NIBAN2: variants seen among roughly 807,000 people sequenced by gnomAD.
NIBAN2 encodes niban apoptosis regulator 2.
In NIBAN2, 36 loss-of-function variants were observed where a neutral mutation model predicts 81.8. That is an observed-to-expected ratio of 0.44 (90% confidence interval 0.34 to 0.58). NIBAN2 has a LOEUF of 0.58. NIBAN2 is among the 20% of genes least tolerant of loss of function. The pLI, the probability that NIBAN2 is intolerant of heterozygous loss-of-function variation, is 0.02. For missense variants in NIBAN2, 897 were observed against 1,014.1 expected (o/e 0.88, Z 1.57); for synonymous variants, 445 against 441.6 (o/e 1.01, Z -0.10).
rs1837270420 is a variant in NIBAN2, at chr9:127,536,020, C to T, written c.56-4242G>A. Among the ~76,000 whole-genome samples, 1 of 152,230 alleles carries T rather than the reference C, an allele frequency of 6.6e-6. No homozygotes were observed. The highest frequency in any genetic ancestry group is 2.4e-5 in the African/African-American group (1 of 41,552). ...CCAGGCAGCACCGGGAAGCCAGCTC[C>T]GCTCAGAAGAAGGGTGGCGACCACG... On this transcript the variant is annotated intron_variant, in intron 1 of 13. Transcript: ENST00000373312. This position sits in a 1 kb window ranked among gnomAD's most constrained non-coding sequence, Gnocchi z 4.0.
chr9:127,566,867 G>A (rs1837866936), intron 1 of NIBAN2, among the ~76,000 whole-genome samples: 1 of 152,056 alleles, frequency 6.6e-6, no homozygotes, highest in African/African-American at 2.4e-5. Flanking sequence ...GGGAGACTGG[G>A]AGGCTTCCCC....
chr9:127,569,337 A>G (rs567098757), upstream of NIBAN2, among the ~76,000 whole-genome samples: 2 of 151,110 alleles, frequency 1.3e-5, no homozygotes, highest in East Asian at 3.9e-4. Flanking sequence ...CGCCCTGGAG[A>G]AGGAGACAAA....
At chr9:127,574,073 C>A (rs1463291200), upstream of NIBAN2, among the ~76,000 whole-genome samples, 1 of 152,196 alleles carries the variant, frequency 6.6e-6, no homozygotes, top group African/African-American at 2.4e-5. Context: ...CTGAAATCTG[C>A]AAGGCAGAGG....
Position 127,510,197 on chromosome 9 carries a change from C to T in NIBAN2, c.1110G>A (p.Thr370=), listed in dbSNP as rs138815572. ...CGTTGATGACGTTCAGGTTCATGTC[C>T]GTGACCTCCTTGAAGAAGACATCTC... ...EVRDVFFKEV[T]DMNLNVINEG... The change falls in exon 9 of 14, where the codon ACG becomes ACA. Residue 370 remains threonine, a synonymous_variant. Coordinates refer to ENST00000373312, the MANE Select transcript of NIBAN2 (RefSeq NM_022833.4). The T allele has an allele frequency of 3.5e-5, 56 of 1,614,052 alleles. 1 individual carries two copies. The African/African-American group carries it at 5.3e-4, about 15-fold the overall frequency.
intron 1 of NIBAN2, among the ~76,000 whole-genome samples, chr9:127,567,425 G>T (rs186155702): frequency 6.6e-6 from 1 of 152,244 alleles, no homozygotes; most frequent in Non-Finnish European, 1.5e-5. Context: ...GGCTAGAGAG[G>T]GTCCGATTCA....
At chr9:127,516,205 G>A (rs1228163022) in intron 8 of NIBAN2, among the ~76,000 whole-genome samples, 1 of 152,224 alleles carries the variant, frequency 6.6e-6, no homozygotes, top group Non-Finnish European at 1.5e-5. Context: ...CTCTGCAGAT[G>A]TGTTATGGGG....
intron 1 of NIBAN2, among the ~76,000 whole-genome samples, chr9:127,577,811 G>A (rs1838026990): frequency 6.6e-6 from 1 of 152,070 alleles, no homozygotes; most frequent in Non-Finnish European, 1.5e-5. Context: ...AAACTCCTGG[G>A]CTCAAACAAT....
At position 127,561,089 on chromosome 9, in the gene NIBAN2, T is replaced by C. The variant is rs1306860705; in HGVS notation, c.55+7731A>G. ...TGTTCCCATCCATCTTCTAACCCTT[T>C]TCCTCTGTGCACTGCCAAATGCCAG... On this transcript the variant is annotated intron_variant, in intron 1 of 13. Coordinates refer to ENST00000373312, the MANE Select transcript of NIBAN2 (RefSeq NM_022833.4). The C allele has an allele frequency of 3.1e-6, 3 of 983,222 alleles. No individual in the cohort carries two copies. The African/African-American group carries it at 5.2e-5, about 17-fold the overall frequency. 60.9% of individuals were successfully genotyped at this position (983,222 alleles called of 1,614,324 possible). A position where few individuals can be genotyped will look rare whatever the true frequency, so the allele number is the denominator to read the frequency against.
Position 127,508,553 on chromosome 9 carries a change from G to A in NIBAN2, c.1318-15C>T, listed in dbSNP as rs375734288. On this transcript the variant is annotated splice_polypyrimidine_tract_variant and intron_variant, in intron 10 of 13. Coordinates refer to ENST00000373312, the MANE Select transcript of NIBAN2 (RefSeq NM_022833.4). The surrounding 1 kb of genome is among the most constrained non-coding windows in gnomAD (Gnocchi z 6.4). ...TTGTCCATTTGCTGCAGGGCATACC[G>A]CGGACATGTGAAGCCCCCAGGGTGA... 77 of 1,603,780 alleles carry A rather than the reference G, an allele frequency of 4.8e-5. No homozygotes were observed. In the South Asian group the frequency reaches 4.8e-4, roughly 10 times the overall value.
At chr9:127,516,733 G>A (rs1836836009) in intron 8 of NIBAN2, 124 bp downstream of exon 8, 11 of 1,027,024 alleles carry the variant, frequency 1.1e-5, no homozygotes, top group Non-Finnish European at 7.2e-6. Flanking sequence ...TGCAGATTTG[G>A]CTCTAATTCT....
chr9:127,556,148 C>T (rs1330367306), intron 1 of NIBAN2, among the ~76,000 whole-genome samples: 1 of 152,202 alleles, frequency 6.6e-6, no homozygotes, highest in Admixed American at 6.5e-5. Flanking sequence ...GCCTCACCCT[C>T]GGGGCTCAAG....
chr9:127,526,411 A>AAAG (rs1554766504), intron 3 of NIBAN2, among the ~76,000 whole-genome samples: 1 of 151,312 alleles, frequency 6.6e-6, no homozygotes, highest in Non-Finnish European at 1.5e-5. Context: ...AAAAAAAAAA[A>AAAG]AAAAGAAAAA....
intron 4 of NIBAN2, among the ~76,000 whole-genome samples, chr9:127,524,454 C>T (rs1044918178): frequency 1.1e-4 from 17 of 152,224 alleles, no homozygotes; most frequent in East Asian, 1.9e-4. Flanking sequence ...CACAACACCC[C>T]GAGGGCAGTC....
upstream of NIBAN2, among the ~76,000 whole-genome samples, chr9:127,570,041 A>G (rs1407175470): frequency 2.0e-5 from 3 of 152,228 alleles, no homozygotes; most frequent in Admixed American, 6.5e-5. Flanking sequence ...CCAGATCTCA[A>G]TCCTTTGGCT....
rs533937797 is a variant in NIBAN2, at chr9:127,563,669, C to G, written c.55+5151G>C. ...TCCCAAGTAGCTGGGACTACAGGCA[C>G]GCACCACCAGGCCCGGCTAATTTTT... On this transcript the variant is annotated intron_variant, in intron 1 of 13. Transcript: ENST00000373312. The surrounding 1 kb of genome is among the most constrained non-coding windows in gnomAD (Gnocchi z 4.1). Among the ~76,000 whole-genome samples, 1 of 152,024 alleles carries G rather than the reference C, an allele frequency of 6.6e-6. No homozygotes were observed. Among genetic ancestry groups the G allele is most frequent in the Non-Finnish European group, 1.5e-5 (1 of 67,998 alleles).
intron 8 of NIBAN2, among the ~76,000 whole-genome samples, chr9:127,515,267 T>A (rs1836804369): frequency 6.6e-6 from 1 of 151,948 alleles, no homozygotes; most frequent in African/African-American, 2.4e-5. Context: ...ACGCCTATAA[T>A]CCCAGCATTT....
intron 1 of NIBAN2, among the ~76,000 whole-genome samples, chr9:127,554,173 T>C (rs1837625595): frequency 6.6e-6 from 1 of 152,192 alleles, no homozygotes; most frequent in Non-Finnish European, 1.5e-5. Flanking sequence ...TCACAGAAAC[T>C]GAGTCCTCAT....
rs115330086 is a variant in NIBAN2, at chr9:127,576,386, G to A, written c.16+2536C>T. Among the ~76,000 whole-genome samples, 1,310 of 152,106 alleles carry A rather than the reference G, an allele frequency of 8.6e-3. 15 individuals carry two copies. The highest frequency in any genetic ancestry group is 0.029 in the African/African-American group (1,213 of 41,456). On this transcript the variant is annotated intron_variant, in intron 1 of 13. Transcript: ENST00000373314. ...TACCGCCTTCCCAGGCACAAATTCC[G>A]TGGTTGGATCCAACAGCACTGAAGT...
At chr9:127,575,272 A>G (rs1837995058) in intron 1 of NIBAN2, among the ~76,000 whole-genome samples, 1 of 146,392 alleles carries the variant, frequency 6.8e-6, no homozygotes, top group African/African-American at 2.6e-5. Context: ...TCTGTCACCC[A>G]GGCTGGAGTG....
Sources: gnomAD v4.1 joint callset for allele counts (sites outside exome capture counted in the v4.1 genomes callset) on GRCh38, gnomAD v4.1.1 for gene constraint, Gnocchi (gnomAD v3.1) non-coding constraint, MANE v1.5 for transcripts, NCBI Gene and HGNC (gene_info 2026-07-23, HGNC 2026-07-21) for gene names.